The following SIN3A variants were observed in gnomAD, a reference collection of about 807,000 sequenced individuals.
SIN3A encodes the protein paired amphipathic helix protein Sin3a.
Under a neutral mutation model 146.1 loss-of-function variants are expected in SIN3A, and 14 were observed. The ratio of observed to expected loss-of-function variants is 0.10; its 90% CI spans 0.06 to 0.15. SIN3A has a LOEUF of 0.15. Among genes scored for constraint, SIN3A ranks in the 10% least tolerant of loss-of-function variants. The pLI, the probability that SIN3A is intolerant of heterozygous loss-of-function variation, is 1.00. For missense variants in SIN3A, 1,028 were observed against 1,576.0 expected (o/e 0.65, Z 5.89); for synonymous variants, 572 against 572.0 (o/e 1.00, Z 0.00).
chr15:75,380,934 G>A, intron 18 of SIN3A: 3 of 494,798 alleles, frequency 6.1e-6, no homozygotes, highest in Non-Finnish European at 1.1e-5. Flanking sequence ...AAGTTTCTGA[G>A]GTGCTAAGGT....
intron 13 of SIN3A, among the ~76,000 whole-genome samples, chr15:75,395,385 G>A (rs1328301033): frequency 6.6e-6 from 1 of 152,200 alleles, no homozygotes; most frequent in Non-Finnish European, 1.5e-5. Context: ...GAAGTTAAAT[G>A]CTACAGGCAA....
At chr15:75,384,150 G>A in intron 17 of SIN3A, 114 bp downstream of exon 17, 1 of 696,214 alleles carries the variant, frequency 1.4e-6, no homozygotes, top group South Asian at 2.4e-5. Context: ...CTCATTAAAA[G>A]GTCCAGGAGT....
intron 20 of SIN3A, among the ~76,000 whole-genome samples, chr15:75,373,368 T>C (rs2072790543): frequency 6.6e-6 from 1 of 152,040 alleles, no homozygotes; most frequent in Admixed American, 6.5e-5. Flanking sequence ...ATGAGAGAAG[T>C]AGAGCAGACT....
rs2072724270 is a variant in SIN3A at position 75,370,429 on chromosome 15, G to C, written c.*1550C>G. ...CTGAAGAAAAATCCACCAGAGTACT[G>C]GGAGGGGCTCAGTTGGTCTTTGTTC... On this transcript the variant is annotated 3_prime_UTR_variant, in exon 21 of 21. Transcript: ENST00000394947. 1 of 152,140 alleles carries C rather than the reference G, an allele frequency of 6.6e-6. No individual in the cohort carries two copies. The highest frequency in any genetic ancestry group is 2.1e-4 in the South Asian group (1 of 4,830). The allele number at this position is 152,140 out of a possible 1,614,324, so 9.4% of individuals were successfully genotyped here.
At chr15:75,413,135 C>T (rs1291774154) in intron 4 of SIN3A, 90 bp from the exon 5 acceptor site, 6 of 1,315,216 alleles carry the variant, frequency 4.6e-6, no homozygotes, top group Middle Eastern at 2.5e-4. Context: ...TCTTTTGAGA[C>T]GGAGTCTCAC....
Position 75,395,960 on chromosome 15 carries a change from C to T in SIN3A, c.2093+298G>A, listed in dbSNP as rs138140847. On this transcript the variant is annotated intron_variant, in intron 13 of 20. Coordinates refer to ENST00000394947, the MANE Select transcript of SIN3A (RefSeq NM_001145358.2). ...ACAAAGATGTTAACAACAGTTAGTC[C>T]TGAGTGTGGCAGGAACATGGGTGGT... Among the ~76,000 whole-genome samples the T allele has an allele frequency of 4.3e-4, 66 of 152,206 alleles. 1 individual carries two copies. The East Asian group carries it at 0.012, about 28-fold the overall frequency.
intron 1 of SIN3A, among the ~76,000 whole-genome samples, chr15:75,433,429 TTTC>T (rs1419099168): frequency 6.6e-6 from 1 of 152,148 alleles, no homozygotes; most frequent in Non-Finnish European, 1.5e-5. Flanking sequence ...TAAAATATCG[TTTC>T]TTTTATTAAG....
At chr15:75,428,766 G>C (rs1225252216) in intron 2 of SIN3A, among the ~76,000 whole-genome samples, 58 of 152,142 alleles carry the variant, frequency 3.8e-4, no homozygotes, top group Non-Finnish European at 2.1e-4. Context: ...GCCAACTGTT[G>C]GGATTATGGG....
At chr15:75,441,064 T>C (rs2074201503) in intron 1 of SIN3A, among the ~76,000 whole-genome samples, 1 of 151,398 alleles carries the variant, frequency 6.6e-6, no homozygotes, top group South Asian at 2.1e-4. Flanking sequence ...TCTCAGTACT[T>C]TGGGAGGCCA....
Position 75,371,870 on chromosome 15 carries a change from G to T in SIN3A, c.*109C>A. 2.1e-6 allele frequency: 2 copies of T among 968,326 alleles called. No homozygotes were observed. The highest frequency in any genetic ancestry group is 1.6e-5 in the African/African-American group (1 of 61,714). 60.0% of individuals were successfully genotyped at this position (968,326 alleles called of 1,614,324 possible). ...AGGTCAGGTGGCCATGTCCCAGAGA[G>T]GCCCAGTGAGGCTTGAAAGGCATCT... is the stretch of plus-strand genomic sequence containing the variant. On this transcript the variant is annotated 3_prime_UTR_variant, in exon 21 of 21. Transcript: ENST00000394947.
chr15:75,396,474 T>C lies in SIN3A; in HGVS notation c.1877A>G (p.Asn626Ser). The change falls in exon 13 of 21, where the codon AAT (asparagine) becomes AGT (serine). Residue 626 changes from asparagine (N) to serine (S), a missense_variant. Around this residue, in one of 9 missense-constraint regions of SIN3A, gnomAD observed 157 missense variants for 284.8 expected, o/e 0.55. Transcript: ENST00000394947. Reference sequence around the variant, plus strand: ...TTCCAGAACCCGGATTGTTGCCAGATTGGTCTCTAAAACTACATCAAGCTG... The same window carrying C: ...TTCCAGAACCCGGATTGTTGCCAGACTGGTCTCTAAAACTACATCAAGCTG... ...RFELDVVLET[N>S]LATIRVLEAI... The C allele has an allele frequency of 6.2e-7, 1 of 1,613,754 alleles. No individual in the cohort carries two copies. The highest frequency in any genetic ancestry group is 8.5e-7 in the Non-Finnish European group (1 of 1,179,836).
chr15:75,393,524 C>T (rs1156346104), intron 14 of SIN3A, among the ~76,000 whole-genome samples: 1 of 152,030 alleles, frequency 6.6e-6, no homozygotes, highest in African/African-American at 2.4e-5. Context: ...TTAAGAAGTG[C>T]ACCACCATGC....
At chr15:75,412,451 T>C (rs573766855) in intron 5 of SIN3A, among the ~76,000 whole-genome samples, 18 of 152,356 alleles carry the variant, frequency 1.2e-4, no homozygotes, top group African/African-American at 4.3e-4. Context: ...GATAAGACGA[T>C]GGTTTCTATC....
chr15:75,370,949 G>C lies in SIN3A; in HGVS notation c.*1030C>G, dbSNP rs1354868799. The C allele has an allele frequency of 8.1e-6, 1 of 123,740 alleles. No homozygotes were observed. The highest frequency in any genetic ancestry group is 1.6e-5 in the Non-Finnish European group (1 of 61,066). The allele number at this position is 123,740 out of a possible 1,614,324, so 7.7% of individuals were successfully genotyped here. A position where few individuals can be genotyped will look rare whatever the true frequency, so the allele number is the denominator to read the frequency against. On this transcript the variant is annotated 3_prime_UTR_variant, in exon 21 of 21. Transcript: ENST00000394947. ...AGTTTATTCCTTAAGTAAGAACCAA[G>C]CTTTATTTATTTACAAAAAAAAAAA...
At chr15:75,447,140 A>T (rs1400156424) in intron 1 of SIN3A, among the ~76,000 whole-genome samples, 1 of 152,258 alleles carries the variant, frequency 6.6e-6, no homozygotes. Context: ...GATGGTTTTA[A>T]GCAGAGAAGT....
chr15:75,440,397 A>G (rs2074186808), intron 1 of SIN3A, among the ~76,000 whole-genome samples: 1 of 151,520 alleles, frequency 6.6e-6, no homozygotes. Context: ...ACACCTGGCT[A>G]ATTTTTGTAT....
At chr15:75,393,496 C>T (rs906781965) in intron 14 of SIN3A, among the ~76,000 whole-genome samples, 1 of 151,762 alleles carries the variant, frequency 6.6e-6, no homozygotes, top group Non-Finnish European at 1.5e-5. Context: ...TATGCTTCAG[C>T]CTCCTGAGTA....
chr15:75,416,623 G>A (rs1451880842), intron 3 of SIN3A, among the ~76,000 whole-genome samples: 1 of 152,190 alleles, frequency 6.6e-6, no homozygotes, highest in African/African-American at 2.4e-5. Flanking sequence ...ACCACACCCA[G>A]CCTAGATTCC....
chr15:75,432,809 G>C (rs961658340), intron 1 of SIN3A, among the ~76,000 whole-genome samples: 1 of 151,928 alleles, frequency 6.6e-6, no homozygotes, highest in Admixed American at 6.6e-5. Flanking sequence ...TTGGAAGGCC[G>C]AGGTGGGTGG....
Sources: gnomAD v4.1 joint callset for allele counts (sites outside exome capture counted in the v4.1 genomes callset) on GRCh38, gnomAD v4.1.1 for gene constraint, gnomAD v4.1.1 regional missense constraint, MANE v1.5 for transcripts, NCBI Gene and HGNC (gene_info 2026-07-23, HGNC 2026-07-21) for gene names.